PLXDC2: variants seen among roughly 807,000 people sequenced by gnomAD.
PLXDC2 encodes plexin domain-containing protein 2.
Under a neutral mutation model 68.9 loss-of-function variants are expected in PLXDC2, and 40 were observed. The observed-to-expected ratio is 0.58, with a 90% CI of 0.45 to 0.76. The LOEUF is 0.76. Among genes scored for constraint, PLXDC2 ranks in the 30% least tolerant of loss-of-function variants. The probability of loss-of-function intolerance (pLI) is 0.00; values close to 1 mark genes in which losing one functional copy is unlikely to be tolerated. For missense variants in PLXDC2, 644 were observed against 661.9 expected, an observed-to-expected ratio of 0.97 and a Z score of 0.30; for synonymous variants, 243 against 234.2, an observed-to-expected ratio of 1.04 and a Z score of -0.34.
At position 20,123,254 on chromosome 10, in the gene PLXDC2, A is replaced by AAAAGGAACATTAG. The variant is rs565090586; in HGVS notation, c.542-20036_542-20024dup. 1.4e-3 allele frequency among the ~76,000 whole-genome samples: 209 copies of AAAAGGAACATTAG among 152,192 alleles called. 1 individual carries two copies. The highest frequency in any genetic ancestry group is 3.9e-3 in the African/African-American group (162 of 41,508). On this transcript the variant is annotated intron_variant, in intron 4 of 13. Coordinates refer to ENST00000377252, the MANE Select transcript of PLXDC2 (RefSeq NM_032812.9). ...GGGGAGAGGTCAGATGGGTCTGTAG[A>AAAAGGAACATTAG]AAAGGAACATTAGAAAGACTCAGAG...
chr10:20,077,429 A>G (rs1836470737), intron 4 of PLXDC2, among the ~76,000 whole-genome samples: 1 of 152,198 alleles, frequency 6.6e-6, no homozygotes, highest in African/African-American at 2.4e-5. Flanking sequence ...ATAGCTCTGG[A>G]ACTGAGACAT....
At chr10:20,170,599 AAAT>A (rs920514841) in intron 7 of PLXDC2, among the ~76,000 whole-genome samples, 2 of 152,120 alleles carry the variant, frequency 1.3e-5, no homozygotes, top group African/African-American at 4.8e-5. Context: ...CTTAAATTTA[AAAT>A]AATAGTAATA....
intron 10 of PLXDC2, 128 bp from the exon 11 acceptor site, chr10:20,217,298 C>G (rs376229062): frequency 1.2e-6 from 1 of 802,588 alleles, no homozygotes; most frequent in Admixed American, 3.3e-5. Context: ...TAGTCTTGTA[C>G]AAAAGTAATT....
chr10:19,829,454 A>G (rs1050870544), intron 1 of PLXDC2, among the ~76,000 whole-genome samples: 1 of 152,170 alleles, frequency 6.6e-6, no homozygotes, highest in Admixed American at 6.5e-5. Context: ...TTCTTTGAGC[A>G]AAATTTCTAA....
Position 20,163,541 on chromosome 10 carries a change from C to A in PLXDC2, c.784-927C>A, listed in dbSNP as rs745899654. Among the ~76,000 whole-genome samples, 8 of 152,108 alleles carry A rather than the reference C, an allele frequency of 5.3e-5. No individual in the cohort carries two copies. The South Asian group carries it at 6.2e-4, about 12-fold the overall frequency. On this transcript the variant is annotated intron_variant, in intron 6 of 13. Coordinates refer to ENST00000377252, the MANE Select transcript of PLXDC2 (RefSeq NM_032812.9). ...CTAATATATTATTTAATGAATTGCC[C>A]ACAGATCACCCAAAATCTGCTTATT...
chr10:20,062,349 G>T (rs1425570863), intron 3 of PLXDC2, among the ~76,000 whole-genome samples: 2 of 152,166 alleles, frequency 1.3e-5, no homozygotes, highest in East Asian at 3.9e-4. Flanking sequence ...ACTTGAACTT[G>T]GGAGGCAGAT....
chr10:20,089,290 T>C (rs10827961), intron 4 of PLXDC2, among the ~76,000 whole-genome samples: 16,430 of 151,990 alleles, frequency 0.11, 1,048 homozygotes, highest in South Asian at 0.3. Flanking sequence ...GTATGAGTCA[T>C]GAATGTATTT....
At chr10:19,821,076 C>A (rs1057164824) in intron 1 of PLXDC2, among the ~76,000 whole-genome samples, 1 of 151,944 alleles carries the variant, frequency 6.6e-6, no homozygotes, top group Admixed American at 6.6e-5. Context: ...AAAGGGAGAC[C>A]CTGCCTCAAA....
chr10:19,941,610 G>A (rs1472912441), intron 1 of PLXDC2, among the ~76,000 whole-genome samples: 1 of 152,148 alleles, frequency 6.6e-6, no homozygotes, highest in African/African-American at 2.4e-5. Flanking sequence ...CCAGTTCAAA[G>A]GGGGTCTGTC....
At chr10:20,186,581 G>T (rs1381970651) in intron 9 of PLXDC2, among the ~76,000 whole-genome samples, 1 of 151,722 alleles carries the variant, frequency 6.6e-6, no homozygotes, top group Admixed American at 6.6e-5. Flanking sequence ...TCCGCCCTCT[G>T]GTAGGCCTCA....
chr10:20,068,991 A>C (rs1836270213), intron 4 of PLXDC2, among the ~76,000 whole-genome samples: 1 of 152,116 alleles, frequency 6.6e-6, no homozygotes, highest in Non-Finnish European at 1.5e-5. Context: ...AAGGAGAAAA[A>C]CACATAAAAA....
At position 20,148,265 on chromosome 10, in the gene PLXDC2, G is replaced by GT. The variant is rs5783725; in HGVS notation, c.783+375dup. 8.8e-3 allele frequency among the ~76,000 whole-genome samples: 1,303 copies of GT among 147,578 alleles called. 20 individuals carry two copies. The highest frequency in any genetic ancestry group is 0.029 in the African/African-American group (1,162 of 40,512). Reference sequence around the variant, plus strand: ...TATATTTACGTATTTTCTTTAGTTAGTTTTTTTTTTTTCACCTGGTTGATT... The same window carrying GT: ...TATATTTACGTATTTTCTTTAGTTAGTTTTTTTTTTTTTCACCTGGTTGATT... On this transcript the variant is annotated intron_variant, in intron 6 of 13. Transcript: ENST00000377252.
At position 20,287,930 on chromosome 10, in the gene PLXDC2, T is replaced by C. The variant is rs1172345963; in HGVS notation, c.*8111T>C. ...TTTCTGGTAATTCTGTGTGTAGTCA[T>C]TTGAAATGTTGAAGTGTGAAAAGAG... On this transcript the variant is annotated 3_prime_UTR_variant, in exon 14 of 14. Coordinates refer to ENST00000377252, the MANE Select transcript of PLXDC2 (RefSeq NM_032812.9). The C allele has an allele frequency of 8.3e-6, 1 of 121,094 alleles. No individual in the cohort carries two copies. The highest frequency in any genetic ancestry group is 1.6e-5 in the Non-Finnish European group (1 of 62,870). The allele number at this position is 121,094 out of a possible 1,614,324, so 7.5% of individuals were successfully genotyped here.
At chr10:20,048,761 G>T (rs116477405) in intron 3 of PLXDC2, among the ~76,000 whole-genome samples, 2 of 152,034 alleles carry the variant, frequency 1.3e-5, no homozygotes, top group African/African-American at 4.8e-5. Flanking sequence ...CGCCCCCCAA[G>T]GTAAGACAGT....
intron 2 of PLXDC2, among the ~76,000 whole-genome samples, chr10:20,037,096 T>C (rs1835590325): frequency 6.6e-6 from 1 of 152,208 alleles, no homozygotes; most frequent in South Asian, 2.1e-4. Flanking sequence ...AGAGATCTAG[T>C]TCAACTCCTT....
At chr10:19,992,610 C>T (rs1184632365) in intron 1 of PLXDC2, among the ~76,000 whole-genome samples, 1 of 152,046 alleles carries the variant, frequency 6.6e-6, no homozygotes, top group African/African-American at 2.4e-5. Context: ...CTTTTAAATT[C>T]CTACTAGACA....
At chr10:20,158,705 A>C (rs886315786) in intron 6 of PLXDC2, among the ~76,000 whole-genome samples, 2 of 148,072 alleles carry the variant, frequency 1.4e-5, no homozygotes, top group African/African-American at 4.9e-5. Context: ...AAATATTTTT[A>C]AAAGTAGTTT....
rs759144664 is a variant in PLXDC2, at chr10:20,245,515, G to C, written c.1473+10G>C. 2 of 1,608,014 alleles carry C rather than the reference G, an allele frequency of 1.2e-6. No homozygotes were observed. Among genetic ancestry groups the C allele is most frequent in the South Asian group, 2.2e-5 (2 of 90,132 alleles). On this transcript the variant is annotated intron_variant, in intron 13 of 13. Coordinates refer to ENST00000377252, the MANE Select transcript of PLXDC2 (RefSeq NM_032812.9). ...CATCTTCTTTATTGAGGTAAGTGTT[G>C]AGTTTAACACATGAAAACCACGCCA...
At chr10:20,046,779 T>C in intron 2 of PLXDC2, 90 bp from the exon 3 acceptor site, 1 of 1,332,082 alleles carries the variant, frequency 7.5e-7, no homozygotes, top group Non-Finnish European at 1.0e-6. Flanking sequence ...TTAAAAACTA[T>C]TAATACTCTT....
Sources: allele counts gnomAD v4.1 joint callset (sites outside exome capture counted in the v4.1 genomes callset), GRCh38; gene constraint gnomAD v4.1.1; transcripts MANE v1.5; gene names NCBI Gene and HGNC (gene_info 2026-07-23, HGNC 2026-07-21).